The following AFF3 variants were observed in gnomAD, a reference collection of about 807,000 sequenced individuals.
The protein encoded by AFF3 is ALF transcription elongation factor 3.
In AFF3, 32 loss-of-function variants were observed where a neutral mutation model predicts 129.7. The ratio of observed to expected loss-of-function variants is 0.25; its 90% CI spans 0.19 to 0.33. The LOEUF is 0.33. Ranked by LOEUF, AFF3 falls within the 10% of genes least tolerant of loss-of-function variation. AFF3 has a pLI of 1.00. For missense variants in AFF3, 1,373 were observed against 1,592.0 expected, an observed-to-expected ratio of 0.86 and a Z score of 2.34; for synonymous variants, 644 against 635.4, an observed-to-expected ratio of 1.01 and a Z score of -0.20.
rs78798365 is a variant in AFF3 at position 99,717,199 on chromosome 2, C to T, written c.1091+9878G>A. 2.6e-4 allele frequency among the ~76,000 whole-genome samples: 39 copies of T among 152,236 alleles called. 1 individual carries two copies. Among genetic ancestry groups the T allele is most frequent in the African/African-American group, 7.9e-4 (33 of 41,558 alleles). ...TCAAGTAGCTACGAATATTCTTGCA[C>T]GAATCTTTTTAATGAATATGTTTTT... On this transcript the variant is annotated intron_variant, in intron 11 of 24. Transcript: ENST00000672756.
At chr2:99,893,200 C>A (rs1427594133) in intron 7 of AFF3, among the ~76,000 whole-genome samples, 1 of 152,216 alleles carries the variant, frequency 6.6e-6, no homozygotes, top group East Asian at 1.9e-4. Context: ...CTGGGGCCAC[C>A]TTCTGCTCAG....
chr2:99,830,264 T>C (rs895991487), intron 8 of AFF3, among the ~76,000 whole-genome samples: 5 of 151,904 alleles, frequency 3.3e-5, no homozygotes, highest in Admixed American at 6.6e-5. Flanking sequence ...ATTCTGCACA[T>C]GTATCCCAGA....
intron 10 of AFF3, among the ~76,000 whole-genome samples, chr2:99,733,177 A>G (rs1679972292): frequency 6.6e-6 from 1 of 152,014 alleles, no homozygotes; most frequent in Admixed American, 6.6e-5. Context: ...CAGGAGATTG[A>G]GACCATCCTG....
At chr2:99,677,464 C>T (rs553024796) in intron 11 of AFF3, among the ~76,000 whole-genome samples, 1 of 152,000 alleles carries the variant, frequency 6.6e-6, no homozygotes, top group South Asian at 2.1e-4. Flanking sequence ...TTTTAACGTG[C>T]GATTAAGCGA....
At chr2:100,064,660 A>G (rs1210775039) in intron 4 of AFF3, among the ~76,000 whole-genome samples, 1 of 152,202 alleles carries the variant, frequency 6.6e-6, no homozygotes, top group African/African-American at 2.4e-5. Context: ...ATCTCTCACC[A>G]TTTGCTTTCC....
At chr2:99,891,714 A>G (rs1034630260) in intron 7 of AFF3, among the ~76,000 whole-genome samples, 1 of 152,226 alleles carries the variant, frequency 6.6e-6, no homozygotes, top group Non-Finnish European at 1.5e-5. Context: ...ATGAAGACAC[A>G]GAGGTTCAGA....
chr2:99,584,898 T>C (rs1266302016), intron 16 of AFF3, among the ~76,000 whole-genome samples: 1 of 152,188 alleles, frequency 6.6e-6, no homozygotes, highest in African/African-American at 2.4e-5. Context: ...TAGCTGGTGG[T>C]CACAGTGGAG....
intron 7 of AFF3, among the ~76,000 whole-genome samples, chr2:99,888,471 C>A (rs1475181637): frequency 6.6e-6 from 1 of 152,196 alleles, no homozygotes; most frequent in Admixed American, 6.5e-5. Flanking sequence ...AATGTTTATT[C>A]CAATTAAATG....
At chr2:99,715,451 T>C (rs188102488) in intron 11 of AFF3, among the ~76,000 whole-genome samples, 10 of 152,130 alleles carry the variant, frequency 6.6e-5, no homozygotes, top group Non-Finnish European at 5.9e-5. Flanking sequence ...TTTCCATATA[T>C]GAATTCCAAC....
At chr2:100,065,882 CAAGAA>C (rs1264551855) in intron 4 of AFF3, among the ~76,000 whole-genome samples, 1 of 152,014 alleles carries the variant, frequency 6.6e-6, no homozygotes, top group East Asian at 1.9e-4. Flanking sequence ...AAAGAGTTTC[CAAGAA>C]AAGAAGATAT....
Position 100,027,823 on chromosome 2 carries a change from G to A in AFF3, c.54-18891C>T, listed in dbSNP as rs139947467. 1.9e-3 allele frequency among the ~76,000 whole-genome samples: 287 copies of A among 152,058 alleles called. 3 individuals are homozygous for A. The highest frequency in any genetic ancestry group is 6.5e-3 in the African/African-American group (269 of 41,496). ...AGTATTTACCAGTCTTACATAGCAA[G>A]GAAATCATCATTAATAAATGTAACA... On this transcript the variant is annotated intron_variant, in intron 4 of 24. Coordinates refer to ENST00000672756, the MANE Select transcript of AFF3 (RefSeq NM_001386135.1).
At chr2:99,867,161 T>G (rs925768068) in intron 7 of AFF3, among the ~76,000 whole-genome samples, 1 of 152,020 alleles carries the variant, frequency 6.6e-6, no homozygotes, top group Non-Finnish European at 1.5e-5. Context: ...ACATAAGGTG[T>G]AGCCATTCTT....
chr2:99,895,909 A>C (rs1322481242), intron 7 of AFF3, among the ~76,000 whole-genome samples: 1 of 151,886 alleles, frequency 6.6e-6, no homozygotes, highest in African/African-American at 2.4e-5. Context: ...TCTCTACTAA[A>C]AATACAAAAA....
chr2:99,989,051 A>C (rs938921528), intron 7 of AFF3, among the ~76,000 whole-genome samples: 1 of 152,216 alleles, frequency 6.6e-6, no homozygotes, highest in Non-Finnish European at 1.5e-5. Flanking sequence ...GAGCAAACCA[A>C]AGAGTAACTT....
Position 99,563,538 on chromosome 2 carries a change from C to T in AFF3, c.3119+1949G>A, listed in dbSNP as rs141966535. ...GGTTGAAAAAAGAGCTAGCCAGGTG[C>T]GGTGGCTCACGCTTGTAATCTCAGC... On this transcript the variant is annotated intron_variant, in intron 20 of 24. Coordinates refer to ENST00000672756, the MANE Select transcript of AFF3 (RefSeq NM_001386135.1). Among the ~76,000 whole-genome samples the T allele has an allele frequency of 1.4e-3, 210 of 150,704 alleles. 1 individual carries two copies. The highest frequency in any genetic ancestry group is 2.5e-3 in the Non-Finnish European group (172 of 67,612).
chr2:99,838,769 C>T (rs573847799), intron 7 of AFF3, among the ~76,000 whole-genome samples: 10 of 152,274 alleles, frequency 6.6e-5, no homozygotes, highest in African/African-American at 1.9e-4. Flanking sequence ...AGTTTACTTC[C>T]TGCAGTTCTG....
chr2:99,623,577 CA>C (rs1056086519), intron 13 of AFF3, among the ~76,000 whole-genome samples: 1 of 152,190 alleles, frequency 6.6e-6, no homozygotes, highest in Non-Finnish European at 1.5e-5. Flanking sequence ...CTCATGGGCC[CA>C]ACCGACACGG....
chr2:100,003,432 CA>C (rs1160209838), intron 7 of AFF3, among the ~76,000 whole-genome samples: 1 of 152,188 alleles, frequency 6.6e-6, no homozygotes, highest in African/African-American at 2.4e-5. Flanking sequence ...GTCTCTCACC[CA>C]ACCATAGACA....
intron 8 of AFF3, among the ~76,000 whole-genome samples, chr2:99,829,502 C>T (rs1239543714): frequency 2.0e-5 from 3 of 152,160 alleles, no homozygotes; most frequent in Non-Finnish European, 4.4e-5. Context: ...CAAAAGAAGA[C>T]ATTTATGCAG....
Sources: allele counts gnomAD v4.1 joint callset (sites outside exome capture counted in the v4.1 genomes callset), GRCh38; gene constraint gnomAD v4.1.1; transcripts MANE v1.5; gene names NCBI Gene and HGNC (gene_info 2026-07-23, HGNC 2026-07-21).